The following SOX5 variants were observed in gnomAD, a reference collection of about 807,000 sequenced individuals.
SOX5 encodes the protein SRY-box transcription factor 5.
In SOX5, 9 loss-of-function variants were observed where a neutral mutation model predicts 92.0. The ratio of observed to expected loss-of-function variants is 0.10; its 90% CI spans 0.06 to 0.17. The LOEUF is 0.17. Among genes scored for constraint, SOX5 ranks in the 10% least tolerant of loss-of-function variants. SOX5 has a pLI of 1.00. For missense variants in SOX5, 642 were observed against 944.5 expected (o/e 0.68, Z 4.20); for synonymous variants, 344 against 336.3 (o/e 1.02, Z -0.25).
chr12:23,715,723 C>G (rs548587081), intron 6 of SOX5, among the ~76,000 whole-genome samples: 1 of 149,058 alleles, frequency 6.7e-6, no homozygotes, highest in African/African-American at 2.5e-5. Context: ...AGCATGAATT[C>G]CATACAGAAA....
chr12:23,562,538 A>C (rs1432783239), intron 11 of SOX5, among the ~76,000 whole-genome samples: 2 of 152,146 alleles, frequency 1.3e-5, no homozygotes, highest in Non-Finnish European at 2.9e-5. Flanking sequence ...TGTAAAGCGC[A>C]CTGGGTAACA....
chr12:24,499,862 T>C (rs2138110401), intron 1 of SOX5, among the ~76,000 whole-genome samples: 1 of 151,708 alleles, frequency 6.6e-6, no homozygotes, highest in South Asian at 2.1e-4. Context: ...TGTTACAAAG[T>C]ATAAAGTTGA....
intron 4 of SOX5, among the ~76,000 whole-genome samples, chr12:24,054,421 C>G (rs1201829467): frequency 3.3e-5 from 5 of 152,198 alleles, no homozygotes; most frequent in Non-Finnish European, 7.3e-5. Flanking sequence ...AACACGCCCA[C>G]TTGGGAGTTC....
At chr12:24,179,931 C>CTT (rs899416446) in intron 4 of SOX5, among the ~76,000 whole-genome samples, 1 of 146,872 alleles carries the variant, frequency 6.8e-6, no homozygotes, top group Non-Finnish European at 1.5e-5. Flanking sequence ...GCCTTATAAT[C>CTT]TTTTTTTTTA....
At chr12:24,516,117 A>T (rs1428837555) in intron 1 of SOX5, among the ~76,000 whole-genome samples, 1 of 149,720 alleles carries the variant, frequency 6.7e-6, no homozygotes, top group Non-Finnish European at 1.5e-5. Context: ...ATCATAGCTC[A>T]CTGCAGCCTC....
At chr12:24,073,443 C>A (rs1942069073) in intron 4 of SOX5, among the ~76,000 whole-genome samples, 1 of 152,180 alleles carries the variant, frequency 6.6e-6, no homozygotes, top group Non-Finnish European at 1.5e-5. Context: ...TTATTAATGA[C>A]TAAGTGCTGG....
chr12:23,695,341 T>C (rs2089626438), intron 6 of SOX5, among the ~76,000 whole-genome samples: 1 of 152,136 alleles, frequency 6.6e-6, no homozygotes, highest in African/African-American at 2.4e-5. Context: ...GCTTGTCAAT[T>C]ACAAAGTACA....
At chr12:24,464,503 G>A (rs1359501607) in intron 1 of SOX5, among the ~76,000 whole-genome samples, 2 of 152,018 alleles carry the variant, frequency 1.3e-5, no homozygotes. Flanking sequence ...ACCACGCCCA[G>A]CTAATTTTTT....
At chr12:23,973,067 T>C (rs1176638522) in intron 4 of SOX5, among the ~76,000 whole-genome samples, 1 of 152,114 alleles carries the variant, frequency 6.6e-6, no homozygotes, top group Non-Finnish European at 1.5e-5. Flanking sequence ...GATAATAAAG[T>C]ATTTTTCTTT....
chr12:24,306,200 G>A (rs1036276457), intron 2 of SOX5, among the ~76,000 whole-genome samples: 4 of 152,178 alleles, frequency 2.6e-5, no homozygotes, highest in Non-Finnish European at 5.9e-5. Flanking sequence ...GGCGTTTGCT[G>A]TTCACCTCTG....
intron 1 of SOX5, among the ~76,000 whole-genome samples, chr12:24,495,168 A>C (rs962515300): frequency 1.3e-5 from 2 of 152,316 alleles, no homozygotes; most frequent in South Asian, 4.1e-4. Context: ...TACTTCTTCA[A>C]TTTGGCTACA....
intron 2 of SOX5, among the ~76,000 whole-genome samples, chr12:24,337,143 G>A (rs1952007211): frequency 6.6e-6 from 1 of 152,034 alleles, no homozygotes. Flanking sequence ...TGTATTCTTG[G>A]AAAAATCAGA....
intron 1 of SOX5, among the ~76,000 whole-genome samples, chr12:24,486,883 T>C (rs1049227046): frequency 6.6e-6 from 1 of 152,192 alleles, no homozygotes; most frequent in Non-Finnish European, 1.5e-5. Context: ...TCCATGTGTG[T>C]AGACTTGATG....
At chr12:24,336,407 T>C (rs1951908828) in intron 2 of SOX5, among the ~76,000 whole-genome samples, 2 of 152,220 alleles carry the variant, frequency 1.3e-5, no homozygotes, top group African/African-American at 4.8e-5. Flanking sequence ...ATATGGTTTT[T>C]TACGTCAAAG....
intron 2 of SOX5, among the ~76,000 whole-genome samples, chr12:24,317,886 C>T (rs929765933): frequency 2.0e-5 from 3 of 152,156 alleles, no homozygotes; most frequent in African/African-American, 4.8e-5. Flanking sequence ...CTCCAATATT[C>T]GCTCTTCCCT....
chr12:24,553,802 C>A (rs949610811), intron 1 of SOX5, among the ~76,000 whole-genome samples: 1 of 152,018 alleles, frequency 6.6e-6, no homozygotes, highest in East Asian at 1.9e-4. Flanking sequence ...TCTGGGTGGC[C>A]CCAGGAAGTC....
At chr12:23,772,130 C>T (rs1348577657) in intron 3 of SOX5, among the ~76,000 whole-genome samples, 1 of 152,116 alleles carries the variant, frequency 6.6e-6, no homozygotes, top group East Asian at 1.9e-4. Context: ...TAAATATCTA[C>T]AAATGTGAAA....
intron 2 of SOX5, among the ~76,000 whole-genome samples, chr12:23,891,607 CT>C (rs11335884): frequency 0.67 from 101,896 of 151,602 alleles, 34,362 homozygotes; most frequent in East Asian, 0.88. Flanking sequence ...AAGCTGCCTT[CT>C]TTTTTTTTCT....
chr12:24,136,161 T>A (rs893455642), intron 4 of SOX5, among the ~76,000 whole-genome samples: 1 of 152,178 alleles, frequency 6.6e-6, no homozygotes, highest in African/African-American at 2.4e-5. Flanking sequence ...CAGAAAATGA[T>A]GACAGACAGG....
Sources: allele counts gnomAD v4.1 joint callset (sites outside exome capture counted in the v4.1 genomes callset), GRCh38; gene constraint gnomAD v4.1.1; transcripts MANE v1.5; gene names NCBI Gene and HGNC (gene_info 2026-07-23, HGNC 2026-07-21).